Variants in CLSTN2 observed in about 807,000 individuals in gnomAD.
CLSTN2 encodes the protein calsyntenin 2, also known as calsyntenin-2.
Under a neutral mutation model 101.2 loss-of-function variants are expected in CLSTN2, and 48 were observed. That is an observed-to-expected ratio of 0.47 (90% CI 0.38 to 0.60). The LOEUF (loss-of-function observed/expected upper bound fraction) is 0.60, where lower values mean the gene tolerates loss of function less well. Ranked by LOEUF, CLSTN2 falls within the 20% of genes least tolerant of loss-of-function variation. CLSTN2 has a pLI of 0.00. For missense variants in CLSTN2, 1,160 were observed against 1,238.2 expected (o/e 0.94, Z 0.95); for synonymous variants, 481 against 463.6 (o/e 1.04, Z -0.48).
intron 8 of CLSTN2, among the ~76,000 whole-genome samples, chr3:140,517,012 C>T (rs1486882961): frequency 6.6e-6 from 1 of 152,094 alleles, no homozygotes; most frequent in African/African-American, 2.4e-5. Context: ...GGAGACTTAG[C>T]TCATTTTTTA....
chr3:140,248,921 A>T (rs1364081443), intron 2 of CLSTN2, among the ~76,000 whole-genome samples: 2 of 152,190 alleles, frequency 1.3e-5, no homozygotes, highest in Non-Finnish European at 2.9e-5. Context: ...CTGATTTTAA[A>T]AGGAGAGAAG....
At chr3:140,407,248 T>G (rs111644768) in intron 4 of CLSTN2, among the ~76,000 whole-genome samples, 54 of 152,306 alleles carry the variant, frequency 3.5e-4, no homozygotes, top group African/African-American at 1.3e-3. Flanking sequence ...GGAAAGTGCT[T>G]CTGAATTTAG....
chr3:139,948,333 T>C (rs1397976842), intron 1 of CLSTN2, among the ~76,000 whole-genome samples: 2 of 151,988 alleles, frequency 1.3e-5, no homozygotes, highest in African/African-American at 4.8e-5. Flanking sequence ...GGCATGGTGG[T>C]GGGTGCCTGT....
intron 2 of CLSTN2, among the ~76,000 whole-genome samples, chr3:140,255,640 T>C (rs1205528190): frequency 6.6e-6 from 1 of 152,124 alleles, no homozygotes; most frequent in African/African-American, 2.4e-5. Flanking sequence ...GAATGAAAAC[T>C]ACATTTTGGG....
intron 2 of CLSTN2, among the ~76,000 whole-genome samples, chr3:140,265,519 A>T (rs2086687783): frequency 6.6e-6 from 1 of 152,190 alleles, no homozygotes; most frequent in South Asian, 2.1e-4. Context: ...GCCTTTAAGA[A>T]AACAAGCTTT....
intron 2 of CLSTN2, among the ~76,000 whole-genome samples, chr3:140,202,273 C>T (rs927147671): frequency 6.6e-6 from 1 of 152,150 alleles, no homozygotes; most frequent in Non-Finnish European, 1.5e-5. Flanking sequence ...ACTTAGTAGG[C>T]CACTGCAGTA....
At chr3:140,012,217 G>A (rs889119321) in intron 1 of CLSTN2, among the ~76,000 whole-genome samples, 1 of 152,104 alleles carries the variant, frequency 6.6e-6, no homozygotes, top group African/African-American at 2.4e-5. Flanking sequence ...GCCAAGAGAA[G>A]GGAGGAAGGA....
At chr3:140,219,043 A>G (rs930369626) in intron 2 of CLSTN2, among the ~76,000 whole-genome samples, 3 of 152,076 alleles carry the variant, frequency 2.0e-5, no homozygotes, top group Non-Finnish European at 2.9e-5. Flanking sequence ...AATTTAATGC[A>G]ACTAGGGCAT....
intron 1 of CLSTN2, among the ~76,000 whole-genome samples, chr3:139,965,674 C>T (rs17337386): frequency 0.1 from 15,529 of 152,232 alleles, 949 homozygotes; most frequent in East Asian, 0.15. Context: ...TGGCTCAGCC[C>T]TTTTCAGAAC....
At chr3:140,089,498 A>G (rs1463346566) in intron 1 of CLSTN2, among the ~76,000 whole-genome samples, 2 of 152,158 alleles carry the variant, frequency 1.3e-5, no homozygotes, top group Admixed American at 1.3e-4. Flanking sequence ...TTAGTTCAGC[A>G]GGCTCTAAAC....
At chr3:140,060,662 TG>T (rs2008189007) in intron 1 of CLSTN2, among the ~76,000 whole-genome samples, 5 of 152,164 alleles carry the variant, frequency 3.3e-5, no homozygotes, top group Admixed American at 3.3e-4. Flanking sequence ...GAGCCAGCCC[TG>T]TAATGTCTGG....
chr3:140,292,084 T>G (rs1349244234), intron 2 of CLSTN2, among the ~76,000 whole-genome samples: 1 of 152,162 alleles, frequency 6.6e-6, no homozygotes, highest in Non-Finnish European at 1.5e-5. Context: ...TCAATGTCTT[T>G]ACAGTAAAAA....
At chr3:140,351,798 T>G (rs1173289266) in intron 2 of CLSTN2, among the ~76,000 whole-genome samples, 2 of 151,766 alleles carry the variant, frequency 1.3e-5, no homozygotes, top group African/African-American at 4.8e-5. Context: ...TTTTGTTTTT[T>G]TTTTTTCTTA....
At chr3:140,564,216 G>T in intron 16 of CLSTN2, 71 bp downstream of exon 16, 1 of 1,402,322 alleles carries the variant, frequency 7.1e-7, no homozygotes, top group Non-Finnish European at 9.9e-7. Context: ...CCCTTCCTAT[G>T]CCTAAAGCAG....
rs185996293 is a variant in CLSTN2, at chr3:140,010,366, G to T, written c.109+74883G>T. On this transcript the variant is annotated intron_variant, in intron 1 of 16. Transcript: ENST00000458420. The stretch of plus-strand genomic sequence containing the variant: ...ACTGAAAATTCCAGAGGTAGAGCTG[G>T]CTTTAGACATGGCTGCATTTGTGTG... 2.6e-3 allele frequency among the ~76,000 whole-genome samples: 399 copies of T among 152,264 alleles called. 5 individuals carry two copies. The highest frequency in any genetic ancestry group is 8.4e-3 in the African/African-American group (350 of 41,540).
chr3:140,391,138 C>G (rs1283218982), intron 2 of CLSTN2, among the ~76,000 whole-genome samples: 2 of 152,130 alleles, frequency 1.3e-5, no homozygotes, highest in African/African-American at 4.8e-5. Flanking sequence ...GCTATCTTCT[C>G]TCCAGGATTC....
intron 2 of CLSTN2, among the ~76,000 whole-genome samples, chr3:140,274,543 T>G (rs1341781629): frequency 2.0e-5 from 3 of 152,222 alleles, no homozygotes; most frequent in African/African-American, 7.2e-5. Context: ...CTGAAAATCC[T>G]GGATGTCCGG....
intron 4 of CLSTN2, among the ~76,000 whole-genome samples, chr3:140,415,768 A>G (rs1312530419): frequency 6.6e-6 from 1 of 152,224 alleles, no homozygotes; most frequent in Non-Finnish European, 1.5e-5. Flanking sequence ...AAATTGGTAC[A>G]GCTATTACGG....
chr3:140,108,019 G>T (rs908528295), intron 1 of CLSTN2, among the ~76,000 whole-genome samples: 12 of 152,184 alleles, frequency 7.9e-5, no homozygotes, highest in Non-Finnish European at 1.5e-5. Context: ...AGAGCAATGA[G>T]TGGTTGATAA....
Sources: allele counts gnomAD v4.1 joint callset (sites outside exome capture counted in the v4.1 genomes callset), GRCh38; gene constraint gnomAD v4.1.1; transcripts MANE v1.5; gene names NCBI Gene and HGNC (gene_info 2026-07-23, HGNC 2026-07-21).